The following ZFHX3 variants were observed in gnomAD, a reference collection of about 807,000 sequenced individuals.
ZFHX3 encodes the protein zinc finger homeobox 3, also known as zinc finger homeobox protein 3.
Under a neutral mutation model 279.1 loss-of-function variants are expected in ZFHX3, and 42 were observed. That is an observed-to-expected ratio of 0.15 (90% CI 0.12 to 0.19). ZFHX3 has a LOEUF of 0.19. Among genes scored for constraint, ZFHX3 ranks in the 10% least tolerant of loss-of-function variants. The probability of loss-of-function intolerance (pLI) is 1.00; values close to 1 mark genes in which losing one functional copy is unlikely to be tolerated. For missense variants in ZFHX3, 4,981 were observed against 4,754.0 expected, an observed-to-expected ratio of 1.05 and a Z score of -1.40; for synonymous variants, 2,293 against 1,957.8, an observed-to-expected ratio of 1.17 and a Z score of -4.52.
chr16:73,403,974 G>A (rs1274753909), intron 3 of ZFHX3, among the ~76,000 whole-genome samples: 1 of 152,128 alleles, frequency 6.6e-6, no homozygotes, highest in Non-Finnish European at 1.5e-5. Context: ...ATGGAAGAAA[G>A]ACTCCTGTGG....
At chr16:73,189,439 A>T (rs1781137109) in intron 5 of ZFHX3, among the ~76,000 whole-genome samples, 2 of 152,244 alleles carry the variant, frequency 1.3e-5, no homozygotes, top group Admixed American at 1.3e-4. Flanking sequence ...AATGTACTAC[A>T]GGGAACGAGC....
chr16:73,702,801 G>T (rs2142218239), intron 1 of ZFHX3, among the ~76,000 whole-genome samples: 1 of 152,262 alleles, frequency 6.6e-6, no homozygotes, highest in South Asian at 2.1e-4. Context: ...TTAAATTACA[G>T]ATGTTCTTGA....
intron 1 of ZFHX3, among the ~76,000 whole-genome samples, chr16:73,703,991 G>A (rs7190760): frequency 0.82 from 124,953 of 152,210 alleles, 53,704 homozygotes; most frequent in Non-Finnish European, 0.95. Context: ...ACTTAGCAGT[G>A]TTAACATCAG....
intron 1 of ZFHX3, among the ~76,000 whole-genome samples, chr16:73,723,638 T>C (rs189087888): frequency 1.3e-5 from 2 of 152,368 alleles, no homozygotes; most frequent in East Asian, 3.9e-4. Context: ...ATTTACTTTC[T>C]TTGTTTTTCT....
At chr16:73,130,609 A>G (rs181501427) in intron 7 of ZFHX3, among the ~76,000 whole-genome samples, 1 of 152,214 alleles carries the variant, frequency 6.6e-6, no homozygotes, top group East Asian at 1.9e-4. Context: ...ACAAAACAAA[A>G]CAATAGTTTG....
chr16:73,069,091 G>A (rs1033112744), intron 8 of ZFHX3, among the ~76,000 whole-genome samples: 7 of 152,248 alleles, frequency 4.6e-5, no homozygotes, highest in African/African-American at 1.4e-4. Context: ...ATGAGTGTGT[G>A]TAACTGGGCA....
Position 73,434,104 on chromosome 16 carries a change from G to A in ZFHX3, c.-1291+21899C>T, listed in dbSNP as rs895563446. Among the ~76,000 whole-genome samples, 41 of 152,276 alleles carry A rather than the reference G, an allele frequency of 2.7e-4. 1 individual carries two copies. The highest frequency in any genetic ancestry group is 7.9e-4 in the African/African-American group (33 of 41,556). On this transcript the variant is annotated intron_variant, in intron 3 of 17. Coordinates refer to the ZFHX3 transcript ENST00000641206. ...AGTAGTTATCAACTGTCAATAAACCGCCCAAACACACACTGTAATTCAGAA... is the reference window on the plus strand; with the variant it reads ...AGTAGTTATCAACTGTCAATAAACCACCCAAACACACACTGTAATTCAGAA...
intron 7 of ZFHX3, among the ~76,000 whole-genome samples, chr16:72,810,389 T>C (rs1231099648): frequency 1.3e-5 from 2 of 152,158 alleles, no homozygotes; most frequent in African/African-American, 4.8e-5. Flanking sequence ...TTTCGCCATG[T>C]TGGCCAGGCT....
At chr16:73,833,804 G>T (rs189406598) in intron 1 of ZFHX3, among the ~76,000 whole-genome samples, 1 of 149,360 alleles carries the variant, frequency 6.7e-6, no homozygotes, top group Non-Finnish European at 1.5e-5. Context: ...ATACAATGTG[G>T]TACCCGACAT....
At chr16:72,844,088 T>G (rs376742284) in intron 4 of ZFHX3, among the ~76,000 whole-genome samples, 3 of 152,134 alleles carry the variant, frequency 2.0e-5, no homozygotes, top group African/African-American at 7.2e-5. Context: ...ATCCCAGAAG[T>G]ACTGCTCCCA....
intron 1 of ZFHX3, among the ~76,000 whole-genome samples, chr16:73,830,478 C>A (rs901041524): frequency 3.3e-5 from 5 of 152,334 alleles, no homozygotes; most frequent in South Asian, 4.1e-4. Context: ...TTAACTGTGG[C>A]AAGCTAGAAA....
chr16:73,672,396 GACTA>G (rs961156009), intron 2 of ZFHX3, among the ~76,000 whole-genome samples: 1 of 152,028 alleles, frequency 6.6e-6, no homozygotes, highest in Non-Finnish European at 1.5e-5. Context: ...GACCCAATAG[GACTA>G]ACTACTTCAA....
intron 3 of ZFHX3, among the ~76,000 whole-genome samples, chr16:73,352,456 T>TTCTC (rs561312963): frequency 3.0e-5 from 4 of 134,324 alleles, no homozygotes; most frequent in Non-Finnish European, 4.6e-5. Flanking sequence ...AGCCTTTGGT[T>TTCTC]TCTCTCTCTC....
intron 1 of ZFHX3, among the ~76,000 whole-genome samples, chr16:72,962,798 T>A (rs1160280306): frequency 2.0e-5 from 3 of 152,118 alleles, no homozygotes; most frequent in Non-Finnish European, 4.4e-5. Context: ...CTGTCCTTGG[T>A]ACCTGTATTG....
intron 6 of ZFHX3, among the ~76,000 whole-genome samples, chr16:73,139,159 T>C (rs1229138698): frequency 1.3e-5 from 2 of 152,234 alleles, no homozygotes; most frequent in Non-Finnish European, 2.9e-5. Context: ...ACAACATCAC[T>C]GCTCATTAAT....
chr16:73,453,695 G>A (rs183695025), intron 3 of ZFHX3, among the ~76,000 whole-genome samples: 2 of 152,300 alleles, frequency 1.3e-5, no homozygotes, highest in African/African-American at 4.8e-5. Context: ...CTGAGACTGT[G>A]CAATTTATAA....
intron 2 of ZFHX3, among the ~76,000 whole-genome samples, chr16:73,459,033 A>T (rs1048015319): frequency 2.6e-5 from 4 of 152,174 alleles, no homozygotes; most frequent in Admixed American, 2.6e-4. Flanking sequence ...TGCCCTGTTT[A>T]TGGGTATCAG....
At chr16:73,137,051 T>G (rs999452241) in intron 6 of ZFHX3, among the ~76,000 whole-genome samples, 1 of 152,084 alleles carries the variant, frequency 6.6e-6, no homozygotes, top group Admixed American at 6.6e-5. Flanking sequence ...GTAGGAACAT[T>G]ATGGAACTGT....
chr16:73,817,947 C>T (rs1960624312), intron 1 of ZFHX3, among the ~76,000 whole-genome samples: 1 of 152,136 alleles, frequency 6.6e-6, no homozygotes, highest in Admixed American at 6.5e-5. Flanking sequence ...TGCACTAATG[C>T]CACGGGAAGG....
Sources: allele counts gnomAD v4.1 joint callset (sites outside exome capture counted in the v4.1 genomes callset), GRCh38; gene constraint gnomAD v4.1.1; transcripts MANE v1.5; gene names NCBI Gene and HGNC (gene_info 2026-07-23, HGNC 2026-07-21).